MGAT4C: variants seen among roughly 807,000 people sequenced by gnomAD.
MGAT4C encodes alpha-1,3-mannosyl-glycoprotein 4-beta-N-acetylglucosaminyltransferase C.
In MGAT4C, 19 loss-of-function variants were observed where a neutral mutation model predicts 40.1. The ratio of observed to expected loss-of-function variants is 0.47; its 90% CI spans 0.33 to 0.70. The LOEUF (loss-of-function observed/expected upper bound fraction) is 0.70, where lower values mean the gene tolerates loss of function less well. MGAT4C is among the 30% of genes least tolerant of loss of function. The pLI, the probability that MGAT4C is intolerant of heterozygous loss-of-function variation, is 0.02. For synonymous variants in MGAT4C, 181 were observed against 187.1 expected (o/e 0.97, Z 0.27); for missense variants, 491 against 563.2 (o/e 0.87, Z 1.30).
intron 4 of MGAT4C, among the ~76,000 whole-genome samples, chr12:86,307,576 T>G (rs1953967204): frequency 6.6e-6 from 1 of 150,592 alleles, no homozygotes; most frequent in Admixed American, 6.6e-5. Flanking sequence ...AATTTTATAT[T>G]AAATAGAGGA....
At chr12:86,817,833 A>G (rs1315604869) in intron 1 of MGAT4C, among the ~76,000 whole-genome samples, 2 of 151,454 alleles carry the variant, frequency 1.3e-5, no homozygotes, top group East Asian at 3.9e-4. Flanking sequence ...ATGTCTTAAT[A>G]TGCATTGGCT....
chr12:86,142,214 A>T (rs1882930007), intron 1 of MGAT4C, among the ~76,000 whole-genome samples: 2 of 152,182 alleles, frequency 1.3e-5, no homozygotes, highest in South Asian at 4.1e-4. Flanking sequence ...TGATGTAAAC[A>T]GGAAGGTGGT....
At chr12:86,644,202 G>T (rs1303801510) in intron 2 of MGAT4C, among the ~76,000 whole-genome samples, 3 of 151,566 alleles carry the variant, frequency 2.0e-5, no homozygotes, top group African/African-American at 7.3e-5. Flanking sequence ...CTGACAAAGA[G>T]TTTATATTCA....
At chr12:86,455,677 A>G (rs952535863) in intron 2 of MGAT4C, among the ~76,000 whole-genome samples, 1 of 152,132 alleles carries the variant, frequency 6.6e-6, no homozygotes, top group Non-Finnish European at 1.5e-5. Flanking sequence ...TACAGAAACA[A>G]TAATGTTAAA....
At chr12:86,494,361 T>C (rs976490510) in intron 2 of MGAT4C, among the ~76,000 whole-genome samples, 1 of 151,990 alleles carries the variant, frequency 6.6e-6, no homozygotes, top group Non-Finnish European at 1.5e-5. Context: ...AAAATTCAAA[T>C]ACTTAGTATA....
chr12:86,521,297 G>A (rs1474134964), intron 2 of MGAT4C, among the ~76,000 whole-genome samples: 1 of 152,086 alleles, frequency 6.6e-6, no homozygotes. Flanking sequence ...TTGCTAACCA[G>A]TTATTCTAGC....
At position 85,961,583 on chromosome 12, in the gene MGAT4C, G is replaced by T. The variant is rs1246062675; in HGVS notation, c.*17706C>A. 3 of 151,650 alleles carry T rather than the reference G, an allele frequency of 2.0e-5. No individual in the cohort carries two copies. Among genetic ancestry groups the T allele is most frequent in the Non-Finnish European group, 4.4e-5 (3 of 67,744 alleles). 9.4% of individuals were successfully genotyped at this position (151,650 alleles called of 1,614,324 possible). A position where few individuals can be genotyped will look rare whatever the true frequency, so the allele number is the denominator to read the frequency against. On this transcript the variant is annotated 3_prime_UTR_variant, in exon 5 of 5. Coordinates refer to ENST00000611864, the MANE Select transcript of MGAT4C (RefSeq NM_001351288.2). ...TTCTGACTGTGGCCTAATACCTCAA[G>T]AATATTGTATATGCTTGTCACTATA...
At chr12:86,248,170 TA>T (rs1345936856) in intron 1 of MGAT4C, among the ~76,000 whole-genome samples, 6 of 151,892 alleles carry the variant, frequency 4.0e-5, no homozygotes, top group African/African-American at 1.4e-4. Flanking sequence ...ATGTCTAAAG[TA>T]CACAAAGAAA....
chr12:86,396,361 A>G (rs896571808), intron 3 of MGAT4C, among the ~76,000 whole-genome samples: 3 of 152,178 alleles, frequency 2.0e-5, no homozygotes, highest in African/African-American at 4.8e-5. Context: ...TATAATAAAT[A>G]CATGCTTAGA....
chr12:86,160,090 T>A (rs551109171), intron 1 of MGAT4C, among the ~76,000 whole-genome samples: 2 of 152,180 alleles, frequency 1.3e-5, no homozygotes, highest in South Asian at 4.1e-4. Flanking sequence ...GCTTTGGAGT[T>A]TATTTGCTCT....
chr12:86,040,180 AAG>A (rs1467187507), intron 2 of MGAT4C, among the ~76,000 whole-genome samples: 1 of 152,198 alleles, frequency 6.6e-6, no homozygotes, highest in Non-Finnish European at 1.5e-5. Context: ...CCCTACTGGG[AAG>A]AGTCTCCCAG....
rs188759453 is a variant in MGAT4C, at chr12:86,341,766, T to G, written c.-119-7639A>C. 5.3e-3 allele frequency among the ~76,000 whole-genome samples: 800 copies of G among 152,272 alleles called. 4 individuals carry two copies. The highest frequency in any genetic ancestry group is 0.018 in the African/African-American group (753 of 41,574). On this transcript the variant is annotated intron_variant, in intron 3 of 7. Transcript: ENST00000548651. ...TACCAAAATGTGGCCTGACTGCTGC[T>G]TTAAGCAGGCACTCAATCCTGGGCA...
At chr12:86,587,352 G>C (rs543389243) in intron 2 of MGAT4C, among the ~76,000 whole-genome samples, 21 of 152,166 alleles carry the variant, frequency 1.4e-4, no homozygotes, top group African/African-American at 4.6e-4. Context: ...TTTGGTTACT[G>C]TAGCCTTGTA....
At position 86,121,095 on chromosome 12, in the gene MGAT4C, G is replaced by A. The variant is rs138573161; in HGVS notation, c.-56-71372C>T. 4.0e-3 allele frequency among the ~76,000 whole-genome samples: 612 copies of A among 152,270 alleles called. 7 individuals carry two copies. The highest frequency in any genetic ancestry group is 6.5e-3 in the Non-Finnish European group (442 of 68,024). ...AACCATGGCAAGAGAACTACGTGACGCATGCACAAGCTTCAGTAGCTGATT... is the reference window on the plus strand; with the variant it reads ...AACCATGGCAAGAGAACTACGTGACACATGCACAAGCTTCAGTAGCTGATT... On this transcript the variant is annotated intron_variant, in intron 1 of 4. Transcript: ENST00000611864.
At chr12:86,453,472 C>A (rs1446316700) in intron 2 of MGAT4C, among the ~76,000 whole-genome samples, 1 of 152,062 alleles carries the variant, frequency 6.6e-6, no homozygotes, top group Non-Finnish European at 1.5e-5. Context: ...TTGGTGAGAA[C>A]TCATTCAGCT....
At chr12:86,164,631 T>G (rs1885985829) in intron 1 of MGAT4C, among the ~76,000 whole-genome samples, 1 of 152,322 alleles carries the variant, frequency 6.6e-6, no homozygotes, top group South Asian at 2.1e-4. Context: ...AATAAGTGAC[T>G]TTGAGTTCAG....
At chr12:86,379,123 A>G (rs17367792) in intron 3 of MGAT4C, among the ~76,000 whole-genome samples, 10,272 of 152,164 alleles carry the variant, frequency 0.068, 559 homozygotes, top group Admixed American at 0.15. Flanking sequence ...TTCTCAGCTT[A>G]TTTATTTTTA....
chr12:86,820,763 A>C lies in MGAT4C; in HGVS notation c.-262+17903T>G, dbSNP rs376646277. On this transcript the variant is annotated intron_variant, in intron 1 of 7. Transcript: ENST00000548651. ...TTTAGTAAGATTAGATTTTGAGTTC[A>C]GTGTGAAGGATATATTTGAGGAAAT... Among the ~76,000 whole-genome samples, 19 of 151,008 alleles carry C rather than the reference A, an allele frequency of 1.3e-4. No homozygotes were observed. The East Asian group carries it at 2.7e-3, about 22-fold the overall frequency.
At chr12:86,825,918 A>C (rs111332536) in intron 1 of MGAT4C, among the ~76,000 whole-genome samples, 19 of 151,590 alleles carry the variant, frequency 1.3e-4, no homozygotes, top group African/African-American at 4.6e-4. Flanking sequence ...AAAGAGAATA[A>C]AATAATTTTC....
Sources: allele counts gnomAD v4.1 joint callset (sites outside exome capture counted in the v4.1 genomes callset), GRCh38; gene constraint gnomAD v4.1.1; transcripts MANE v1.5; gene names NCBI Gene and HGNC (gene_info 2026-07-23, HGNC 2026-07-21).